SOX5: variants seen among roughly 807,000 people sequenced by gnomAD.
SOX5 encodes the protein transcription factor SOX-5.
In SOX5, 9 loss-of-function variants were observed where a neutral mutation model predicts 92.0. That is an observed-to-expected ratio of 0.10 (90% CI 0.06 to 0.17). The LOEUF (loss-of-function observed/expected upper bound fraction) is 0.17, where lower values mean the gene tolerates loss of function less well. Ranked by LOEUF, SOX5 falls within the 10% of genes least tolerant of loss-of-function variation. The probability of loss-of-function intolerance (pLI) is 1.00; values close to 1 mark genes in which losing one functional copy is unlikely to be tolerated. For synonymous variants in SOX5, 344 were observed against 336.3 expected, an observed-to-expected ratio of 1.02 and a Z score of -0.25; for missense variants, 642 against 944.5, an observed-to-expected ratio of 0.68 and a Z score of 4.20.
chr12:23,946,457 T>C (rs1944604330), intron 1 of SOX5, among the ~76,000 whole-genome samples: 1 of 151,982 alleles, frequency 6.6e-6, no homozygotes, highest in South Asian at 2.1e-4. Flanking sequence ...ATTGAGAAAC[T>C]ATCAAAAATG....
intron 4 of SOX5, among the ~76,000 whole-genome samples, chr12:24,142,936 G>A (rs138080873): frequency 9.9e-5 from 15 of 151,730 alleles, no homozygotes; most frequent in African/African-American, 3.6e-4. Context: ...TGGTCAGCAC[G>A]TGTGCAAGGA....
chr12:24,070,812 C>T (rs987168686), intron 4 of SOX5, among the ~76,000 whole-genome samples: 5 of 152,146 alleles, frequency 3.3e-5, no homozygotes, highest in African/African-American at 1.2e-4. Flanking sequence ...TAATCATCCT[C>T]GGATTGAGAT....
At chr12:23,979,822 ATCC>A (rs1949360131) in intron 4 of SOX5, among the ~76,000 whole-genome samples, 1 of 144,546 alleles carries the variant, frequency 6.9e-6, no homozygotes, top group Admixed American at 7.4e-5. Context: ...GGCTCAAGCA[ATCC>A]TCCTGCCTCA....
intron 4 of SOX5, among the ~76,000 whole-genome samples, chr12:23,984,036 A>G (rs1392803970): frequency 2.0e-5 from 3 of 152,142 alleles, no homozygotes; most frequent in Admixed American, 1.3e-4. Flanking sequence ...GTTCAGAGTA[A>G]AGAAGAAAAG....
At chr12:24,013,059 C>T (rs568819884) in intron 4 of SOX5, among the ~76,000 whole-genome samples, 14 of 152,216 alleles carry the variant, frequency 9.2e-5, no homozygotes, top group East Asian at 7.7e-4. Flanking sequence ...TCTGCACATA[C>T]GAAATCATCT....
intron 2 of SOX5, among the ~76,000 whole-genome samples, chr12:24,299,610 A>T (rs935038104): frequency 6.6e-6 from 1 of 152,286 alleles, no homozygotes; most frequent in South Asian, 2.1e-4. Flanking sequence ...ATAAATTCAA[A>T]ATAAACAAAC....
At chr12:23,860,409 A>T (rs1273399454) in intron 2 of SOX5, among the ~76,000 whole-genome samples, 3 of 152,250 alleles carry the variant, frequency 2.0e-5, no homozygotes, top group Non-Finnish European at 4.4e-5. Flanking sequence ...AAAAAGAGTC[A>T]AAGATAAACA....
chr12:23,705,121 C>G lies in SOX5; in HGVS notation c.810+29563G>C, dbSNP rs117309263. On this transcript the variant is annotated intron_variant, in intron 6 of 14. Coordinates refer to ENST00000451604, the MANE Select transcript of SOX5 (RefSeq NM_006940.6). ...TAAAGTATGGTCATGTTCACCAATT[C>G]CTGCAGAAAGTTTGGTAACTTTCAA... Among the ~76,000 whole-genome samples the G allele has an allele frequency of 7.6e-4, 116 of 151,992 alleles. No individual in the cohort carries two copies. The East Asian group carries it at 0.02, about 26-fold the overall frequency.
chr12:23,969,272 T>C (rs1410670888), intron 4 of SOX5, among the ~76,000 whole-genome samples: 2 of 152,198 alleles, frequency 1.3e-5, no homozygotes, highest in African/African-American at 4.8e-5. Flanking sequence ...GCTGCTAAAA[T>C]ATAATTTTCT....
At chr12:24,506,445 A>G (rs1365451064) in intron 1 of SOX5, among the ~76,000 whole-genome samples, 1 of 150,696 alleles carries the variant, frequency 6.6e-6, no homozygotes, top group Non-Finnish European at 1.5e-5. Flanking sequence ...AATAATGATT[A>G]CAAGAAAAGT....
At chr12:23,989,909 T>A (rs1950404087) in intron 4 of SOX5, among the ~76,000 whole-genome samples, 1 of 151,944 alleles carries the variant, frequency 6.6e-6, no homozygotes, top group South Asian at 2.1e-4. Context: ...TAAAATACAA[T>A]CAGAAGTACC....
intron 2 of SOX5, among the ~76,000 whole-genome samples, chr12:23,847,750 A>G (rs2136087204): frequency 6.6e-6 from 1 of 152,244 alleles, no homozygotes; most frequent in South Asian, 2.1e-4. Flanking sequence ...CACAAACATT[A>G]CAGAATATGC....
At chr12:24,161,010 T>G (rs2138983670) in intron 4 of SOX5, among the ~76,000 whole-genome samples, 1 of 152,174 alleles carries the variant, frequency 6.6e-6, no homozygotes, top group African/African-American at 2.4e-5. Context: ...TATCCTCACT[T>G]TGCAGCTGAG....
chr12:23,540,107 A>AAG (rs999041119), intron 13 of SOX5, among the ~76,000 whole-genome samples: 2 of 151,320 alleles, frequency 1.3e-5, no homozygotes, highest in Non-Finnish European at 3.0e-5. Context: ...AAAAAAAAAA[A>AAG]AGAGAGAAAA....
intron 10 of SOX5, among the ~76,000 whole-genome samples, chr12:23,564,116 C>A (rs1349211169): frequency 6.6e-6 from 1 of 152,072 alleles, no homozygotes; most frequent in African/African-American, 2.4e-5. Flanking sequence ...ATAAGATGGC[C>A]AAATGATCAG....
At chr12:24,482,785 T>C (rs1946138555) in intron 1 of SOX5, among the ~76,000 whole-genome samples, 2 of 152,194 alleles carry the variant, frequency 1.3e-5, no homozygotes, top group African/African-American at 4.8e-5. Flanking sequence ...TAAATGTGGA[T>C]TAATGAAACA....
chr12:24,407,559 TA>T (rs1462720508), intron 1 of SOX5: 2 of 152,190 alleles, frequency 1.3e-5, no homozygotes, highest in African/African-American at 4.8e-5. Context: ...TTGGACCGTT[TA>T]AAAAGCCTAG....
rs533746749 is a variant in SOX5 at position 24,213,797 on chromosome 12, A to G, written c.-76-380T>C. On this transcript the variant is annotated intron_variant, in intron 3 of 4. Transcript: ENST00000446891. ...TGGAGCCATATTAATTAAATCACTTAAAAGTCATCATATGATTAATTCAGC... is the reference window on the plus strand; with the variant it reads ...TGGAGCCATATTAATTAAATCACTTGAAAGTCATCATATGATTAATTCAGC... Among the ~76,000 whole-genome samples the G allele has an allele frequency of 2.1e-3, 324 of 152,240 alleles. 2 individuals are homozygous for G. Among genetic ancestry groups the G allele is most frequent in the Non-Finnish European group, 3.9e-3 (263 of 67,980 alleles).
chr12:24,374,989 T>C (rs1180858728), intron 1 of SOX5, among the ~76,000 whole-genome samples: 5 of 152,098 alleles, frequency 3.3e-5, no homozygotes, highest in Non-Finnish European at 5.9e-5. Flanking sequence ...ATTTATTTTT[T>C]TGAGACAGAG....
Sources: gnomAD v4.1 joint callset for allele counts (sites outside exome capture counted in the v4.1 genomes callset) on GRCh38, gnomAD v4.1.1 for gene constraint, MANE v1.5 for transcripts, NCBI Gene and HGNC (gene_info 2026-07-23, HGNC 2026-07-21) for gene names.